The following AUH variants were observed in gnomAD, a reference collection of about 807,000 sequenced individuals.
The protein encoded by AUH is methylglutaconyl-CoA hydratase, mitochondrial.
Under a neutral mutation model 42.3 loss-of-function variants are expected in AUH, and 29 were observed. The ratio of observed to expected loss-of-function variants is 0.69; its 90% CI spans 0.51 to 0.93. The LOEUF is 0.93. AUH is among the 40% of genes least tolerant of loss of function. The pLI is 0.00. For synonymous variants in AUH, 174 were observed against 166.4 expected, an observed-to-expected ratio of 1.05 and a Z score of -0.35; for missense variants, 452 against 438.1, an observed-to-expected ratio of 1.03 and a Z score of -0.28.
intron 4 of AUH, among the ~76,000 whole-genome samples, chr9:91,324,862 GA>G (rs964815530): frequency 6.6e-6 from 1 of 150,396 alleles, no homozygotes; most frequent in Non-Finnish European, 1.5e-5. Flanking sequence ...ATAAACAGAG[GA>G]AAAAAATGTT....
intron 3 of AUH, among the ~76,000 whole-genome samples, chr9:91,332,230 G>A (rs749500812): frequency 2.0e-5 from 3 of 152,162 alleles, no homozygotes; most frequent in Admixed American, 6.6e-5. Context: ...AGCTGGGCGC[G>A]GTGGCTCACG....
intron 3 of AUH, chr9:91,342,856 C>T (rs1319949705): frequency 2.0e-5 from 3 of 152,456 alleles, no homozygotes; most frequent in African/African-American, 7.2e-5. Context: ...ACCTCTGCCA[C>T]CCCTTTGAGA....
intron 3 of AUH, among the ~76,000 whole-genome samples, chr9:91,330,389 T>C (rs1315024214): frequency 6.6e-6 from 1 of 152,060 alleles, no homozygotes. Flanking sequence ...CTCTCCAAAT[T>C]AATAGATTAA....
At chr9:91,221,025 T>C in intron 6 of AUH, 33 bp from the exon 7 acceptor site, 2 of 1,608,558 alleles carry the variant, frequency 1.2e-6, no homozygotes, top group Non-Finnish European at 1.7e-6. Context: ...AAGGCAATGA[T>C]TTGACACCTG....
chr9:91,221,595 C>T (rs1287869129), intron 6 of AUH, among the ~76,000 whole-genome samples: 1 of 152,098 alleles, frequency 6.6e-6, no homozygotes, highest in Non-Finnish European at 1.5e-5. Context: ...CACACAAACA[C>T]ACCCCTTTTC....
At chr9:91,291,596 C>G (rs1383341831) in intron 6 of AUH, among the ~76,000 whole-genome samples, 1 of 152,072 alleles carries the variant, frequency 6.6e-6, no homozygotes, top group Non-Finnish European at 1.5e-5. Context: ...ATGTTTTGGC[C>G]TACAAGAATA....
At chr9:91,323,679 A>C (rs1829762193) in intron 4 of AUH, among the ~76,000 whole-genome samples, 1 of 152,142 alleles carries the variant, frequency 6.6e-6, no homozygotes, top group Non-Finnish European at 1.5e-5. Flanking sequence ...GACTACAACG[A>C]AAACAAGGGG....
intron 4 of AUH, among the ~76,000 whole-genome samples, chr9:91,308,760 A>G (rs1272901039): frequency 6.6e-6 from 1 of 152,104 alleles, no homozygotes; most frequent in East Asian, 1.9e-4. Flanking sequence ...AAAATTCTGC[A>G]AACTTTGAAA....
chr9:91,328,614 T>C (rs1830118426), intron 3 of AUH, among the ~76,000 whole-genome samples: 1 of 152,078 alleles, frequency 6.6e-6, no homozygotes, highest in Non-Finnish European at 1.5e-5. Context: ...CAGCCAGAAC[T>C]TTGAGGCCAA....
At chr9:91,232,777 G>C (rs1408812269) in intron 6 of AUH, among the ~76,000 whole-genome samples, 1 of 152,242 alleles carries the variant, frequency 6.6e-6, no homozygotes, top group Non-Finnish European at 1.5e-5. Context: ...CAGTGAGTAT[G>C]AGGTGAACCT....
At chr9:91,325,745 T>C (rs1472829894) in intron 3 of AUH, among the ~76,000 whole-genome samples, 1 of 152,212 alleles carries the variant, frequency 6.6e-6, no homozygotes, top group Non-Finnish European at 1.5e-5. Flanking sequence ...TGTTTATTCA[T>C]TTAAAAATAC....
chr9:91,227,014 A>C (rs893930793), intron 6 of AUH, among the ~76,000 whole-genome samples: 4 of 151,986 alleles, frequency 2.6e-5, no homozygotes, highest in Middle Eastern at 3.4e-3. Flanking sequence ...CTTTTGGCTT[A>C]GGAATGACTT....
chr9:91,218,942 T>A, intron 7 of AUH: 2 of 985,106 alleles, frequency 2.0e-6, no homozygotes, highest in Non-Finnish European at 2.4e-6. Context: ...CATCAACATC[T>A]TCTTATTTGT....
chr9:91,217,433 A>ATTGCTGGCTGT, intron 7 of AUH, 106 bp from the exon 8 acceptor site: 1 of 1,219,674 alleles, frequency 8.2e-7, no homozygotes, highest in Non-Finnish European at 1.2e-6. Context: ...TTGCACAGCC[A>ATTGCTGGCTGT]GCAATGGCTG....
chr9:91,288,344 A>C (rs981677648), intron 6 of AUH, among the ~76,000 whole-genome samples: 2 of 152,122 alleles, frequency 1.3e-5, no homozygotes, highest in Non-Finnish European at 2.9e-5. Context: ...CTGTTTTAGG[A>C]ACTATTTCTA....
intron 6 of AUH, among the ~76,000 whole-genome samples, chr9:91,282,210 G>A (rs1826025142): frequency 1.3e-5 from 2 of 152,080 alleles, no homozygotes; most frequent in Admixed American, 1.3e-4. Flanking sequence ...CTTTTCCTCA[G>A]ATCTGTATGA....
At chr9:91,259,040 C>G (rs1449001799) in intron 6 of AUH, among the ~76,000 whole-genome samples, 1 of 152,094 alleles carries the variant, frequency 6.6e-6, no homozygotes, top group Non-Finnish European at 1.5e-5. Context: ...TGGCCTCAAA[C>G]CATGAGTCTG....
chr9:91,280,987 A>AT (rs1215053373), intron 6 of AUH, among the ~76,000 whole-genome samples: 1 of 152,104 alleles, frequency 6.6e-6, no homozygotes, highest in Non-Finnish European at 1.5e-5. Flanking sequence ...TTTATTTATG[A>AT]TGTGTCTGAT....
At chr9:91,321,288 C>G (rs1043805129) in intron 4 of AUH, among the ~76,000 whole-genome samples, 2 of 152,148 alleles carry the variant, frequency 1.3e-5, no homozygotes, top group Non-Finnish European at 2.9e-5. Context: ...GAGTACTTGA[C>G]TTATTTCAAC....
Sources: gnomAD v4.1 joint callset for allele counts (sites outside exome capture counted in the v4.1 genomes callset) on GRCh38, gnomAD v4.1.1 for gene constraint, MANE v1.5 for transcripts, NCBI Gene and HGNC (gene_info 2026-07-23, HGNC 2026-07-21) for gene names.